G6PD: variants seen among roughly 807,000 people sequenced by gnomAD.
G6PD encodes the protein glucose-6-phosphate dehydrogenase.
G6PD carries 2 observed loss-of-function variants against 38.2 expected under a neutral mutation model. That is an observed-to-expected ratio of 0.05 (90% CI 0.02 to 0.16). The LOEUF (loss-of-function observed/expected upper bound fraction) is 0.16. Ranked by LOEUF, G6PD falls within the 10% of genes least tolerant of loss-of-function variation. The probability of loss-of-function intolerance (pLI) is 1.00; values close to 1 mark genes in which losing one functional copy is unlikely to be tolerated. For synonymous variants in G6PD, 188 were observed against 196.0 expected (o/e 0.96, Z 0.34); for missense variants, 310 against 471.6 (o/e 0.66, Z 3.17).
intron 2 of G6PD, chrX:154,542,231 C>G: frequency 5.2e-6 from 5 of 970,062 alleles, no homozygotes; most frequent in Non-Finnish European, 7.1e-6. Flanking sequence ...ACAGGCCCAT[C>G]ATTGGGATGC....
chrX:154,536,233 T>C (rs1557230841), intron 2 of G6PD, 55 bp from the exon 3 acceptor site: 4 of 1,095,008 alleles, frequency 3.7e-6, no homozygotes, highest in Middle Eastern at 2.4e-4. Context: ...ACGACCTACA[T>C]ACATCATCCT....
rs782644945 is a variant in G6PD at position 154,532,224 on chromosome X, A to T, written c.1421T>A (p.Leu474Gln). 8.3e-7 allele frequency: 1 copy of T among 1,209,918 alleles called. No individual in the cohort carries two copies. The highest frequency in any genetic ancestry group is 1.1e-6 in the Non-Finnish European group (1 of 894,933). The change falls in exon 12 of 13, where the codon CTG becomes CAG. Residue 474 changes from leucine (L) to glutamine (Q), a missense_variant. Leu to Gln is a moderately radical substitution (Grantham distance 113, BLOSUM62 -2). Coordinates refer to ENST00000393562, the MANE Select transcript of G6PD (RefSeq NM_001360016.2). ...IFTPLLHQIELEKPKPIPYIY... is the reference protein window; with the variant it reads ...IFTPLLHQIEQEKPKPIPYIY... ...ATAGGGGATGGGCTTGGGCTTCTCC[A>T]GCTCAATCTGGTGCAGCAGTGGGGT...
At chrX:154,542,724 C>T (rs1249365448) in intron 2 of G6PD, among the ~76,000 whole-genome samples, 2 of 111,940 alleles carry the variant, frequency 1.8e-5, no homozygotes, top group East Asian at 2.8e-4. Flanking sequence ...GTTCCCAACT[C>T]GGGGCTCCGG....
intron 2 of G6PD, among the ~76,000 whole-genome samples, chrX:154,544,310 C>T (rs1569556380): frequency 1.8e-5 from 2 of 110,592 alleles, no homozygotes; most frequent in East Asian, 2.8e-4. Flanking sequence ...TACAGGCACG[C>T]ACCACCACGC....
intron 2 of G6PD, among the ~76,000 whole-genome samples, chrX:154,543,738 G>C (rs1007768145): frequency 5.4e-5 from 6 of 110,521 alleles, no homozygotes; most frequent in Admixed American, 3.9e-4. Context: ...CCGTCACCCA[G>C]GATGGAGTGC....
chrX:154,547,317 C>G (rs1371014532), upstream of G6PD: 2 of 753,647 alleles, frequency 2.7e-6, no homozygotes, highest in East Asian at 3.0e-4. Flanking sequence ...GTTCGCGGGT[C>G]AAGCCGGCCC....
At chrX:154,538,100 C>A (rs1386747734) in intron 2 of G6PD, among the ~76,000 whole-genome samples, 4 of 108,894 alleles carry the variant, frequency 3.7e-5, no homozygotes, top group African/African-American at 1.3e-4. Flanking sequence ...CTCAAGCAAT[C>A]CTCCCACCTC....
intron 2 of G6PD, among the ~76,000 whole-genome samples, chrX:154,540,067 C>T (rs1399132858): frequency 2.8e-5 from 3 of 108,831 alleles, no homozygotes; most frequent in South Asian, 4.3e-4. Context: ...ATAGTCTGGG[C>T]GTGGTGGCTC....
intron 2 of G6PD, chrX:154,542,421 T>G: frequency 8.4e-7 from 1 of 1,196,124 alleles, no homozygotes; most frequent in Non-Finnish European, 1.1e-6. Context: ...CGCACACTAG[T>G]CTACAAGGCC....
In G6PD at chrX:154,534,167, G is replaced by A. The variant is rs782468778; in HGVS notation, c.645-7C>T. 2.6e-5 allele frequency: 31 copies of A among 1,210,394 alleles called. No homozygotes were observed. The highest frequency in any genetic ancestry group is 3.2e-5 in the Non-Finnish European group (29 of 895,251). ...GAAGATCCTGTTGGCAAATCTGCAG[G>A]GAGGGGCAAGGTGGAGGAACTGACC... On this transcript the variant is annotated splice_polypyrimidine_tract_variant and splice_region_variant and intron_variant, in intron 6 of 12. Coordinates refer to ENST00000393562, the MANE Select transcript of G6PD (RefSeq NM_001360016.2).
intron 1 of G6PD, among the ~76,000 whole-genome samples, 194 bp downstream of exon 1, chrX:154,546,595 G>A (rs1298176655): frequency 2.7e-5 from 3 of 110,928 alleles, no homozygotes; most frequent in Admixed American, 9.4e-5. Context: ...GGGTGACCCC[G>A]GTCGGCAAGT....
At chrX:154,534,794 G>C (rs1315285710) in intron 5 of G6PD, among the ~76,000 whole-genome samples, 30 of 111,782 alleles carry the variant, frequency 2.7e-4, no homozygotes, top group African/African-American at 9.4e-4. Context: ...AGGGGAGCAG[G>C]GGGAGGAGGC....
At chrX:154,533,879 G>A in intron 7 of G6PD, 156 bp downstream of exon 7, 3 of 1,199,140 alleles carry the variant, frequency 2.5e-6, no homozygotes, top group South Asian at 1.8e-5. Context: ...CTGTGTAGGG[G>A]TCCAGCCCTT....
chrX:154,542,563 G>A (rs2070546131), intron 2 of G6PD: 4 of 958,022 alleles, frequency 4.2e-6, no homozygotes, highest in Non-Finnish European at 5.5e-6. Context: ...GAAGCTGGGT[G>A]TGTGGGCAAG....
At chrX:154,544,621 G>C (rs2070640271) in intron 2 of G6PD, among the ~76,000 whole-genome samples, 1 of 112,222 alleles carries the variant, frequency 8.9e-6, no homozygotes, top group Non-Finnish European at 1.9e-5. Flanking sequence ...AGGGGACCAG[G>C]CTGGGGCTGG....
rs1557233216 is a variant in G6PD, at chrX:154,546,139, G to A, written c.17C>T (p.Ala6Val). The change falls in exon 2 of 13, where the codon GCC (alanine) becomes GTC (valine). Residue 6 changes from alanine (A) to valine (V), a missense_variant. Ala to Val is a moderately conservative substitution (Grantham distance 64). This residue lies in a region of G6PD where 29 missense variants were observed against 28.2 expected (regional missense o/e 1.03). Coordinates refer to ENST00000393562, the MANE Select transcript of G6PD (RefSeq NM_001360016.2). ...CCCGCACACCTGGGTCCGGCTCAGG[G>A]CCACCTGCTCTGCCATGACGCTGTC... is the stretch of plus-strand genomic sequence containing the variant. MAEQV[A>V]LSRTQVCGIL... The A allele has an allele frequency of 8.3e-7, 1 of 1,211,866 alleles. No individual in the cohort carries two copies. Among genetic ancestry groups the A allele is most frequent in the Non-Finnish European group, 1.1e-6 (1 of 895,507 alleles).
intron 4 of G6PD, chrX:154,535,729 G>A: frequency 6.5e-6 from 3 of 462,615 alleles, no homozygotes; most frequent in South Asian, 6.2e-5. Flanking sequence ...CGGAGAAAAC[G>A]CAGCAGAGCA....
chrX:154,536,974 G>A (rs782763153), intron 2 of G6PD, among the ~76,000 whole-genome samples: 23 of 112,682 alleles, frequency 2.0e-4, no homozygotes, highest in Non-Finnish European at 3.4e-4. Flanking sequence ...TGAAAAAGAC[G>A]AATAGAAACA....
intron 2 of G6PD, among the ~76,000 whole-genome samples, chrX:154,544,725 A>G (rs1054183190): frequency 9.0e-6 from 1 of 110,774 alleles, no homozygotes; most frequent in Non-Finnish European, 1.9e-5. Flanking sequence ...GCCCCTCCTT[A>G]CTCTGCCACT....
Sources: allele counts gnomAD v4.1 joint callset (sites outside exome capture counted in the v4.1 genomes callset), GRCh38; gene constraint gnomAD v4.1.1; regional missense constraint gnomAD v4.1.1; transcripts MANE v1.5; gene names NCBI Gene and HGNC (gene_info 2026-07-23, HGNC 2026-07-21).